Variants in GLG1 observed in about 807,000 individuals in gnomAD.
The protein encoded by GLG1 is Golgi apparatus protein 1.
A neutral mutation model predicts 160.5 loss-of-function variants in GLG1; 38 were observed. That is an observed-to-expected ratio of 0.24 (90% CI 0.18 to 0.31). The LOEUF is 0.31. Among genes scored for constraint, GLG1 ranks in the 10% least tolerant of loss-of-function variants. The pLI is 1.00. For synonymous variants in GLG1, 644 were observed against 543.4 expected, an observed-to-expected ratio of 1.19 and a Z score of -2.57; for missense variants, 1,373 against 1,505.2, an observed-to-expected ratio of 0.91 and a Z score of 1.45.
intron 1 of GLG1, among the ~76,000 whole-genome samples, chr16:74,562,071 AGAAGG>A (rs2018528407): frequency 6.6e-6 from 1 of 152,264 alleles, no homozygotes; most frequent in African/African-American, 2.4e-5. Context: ...TTCTCATGCA[AGAAGG>A]CTGATGCTAT....
chr16:74,597,063 G>T (rs2143892130), intron 1 of GLG1, among the ~76,000 whole-genome samples: 1 of 152,052 alleles, frequency 6.6e-6, no homozygotes, highest in East Asian at 1.9e-4. Context: ...AGGCTGCAGT[G>T]AATCATGATC....
rs755893688 is a variant in GLG1 at position 74,491,190 on chromosome 16, C to G, written c.1260G>C (p.Gln420His). Residue 420 changes from glutamine (Q) to histidine (H), a missense_variant, in exon 8 of 26, where the codon CAG becomes CAC. By Grantham distance (24) the Gln-to-His change is conservative (BLOSUM62 0). This residue lies in a region of GLG1 where 386 missense variants were observed against 388.5 expected (regional missense o/e 0.99). Transcript: ENST00000422840. ...HRGRQVSSECQGEMLDYRRML... is the reference protein window; with the variant it reads ...HRGRQVSSECHGEMLDYRRML... Reference sequence around the variant, plus strand: ...TGCGTCGGTAATCCAGCATCTCCCCCTGGCACTCACTGCTGACTTGTCGCC... The same window carrying G: ...TGCGTCGGTAATCCAGCATCTCCCCGTGGCACTCACTGCTGACTTGTCGCC... 6.2e-7 allele frequency: 1 copy of G among 1,613,920 alleles called. No individual in the cohort carries two copies. The highest frequency in any genetic ancestry group is 1.1e-5 in the South Asian group (1 of 91,064).
chr16:74,491,284 T>C, intron 7 of GLG1, 69 bp from the exon 8 acceptor site: 1 of 1,047,210 alleles, frequency 9.5e-7, no homozygotes, highest in Non-Finnish European at 1.5e-6. Context: ...AATCACCACC[T>C]ATTAAAAGTA....
At chr16:74,569,061 C>T (rs1048541157) in intron 1 of GLG1, among the ~76,000 whole-genome samples, 1 of 152,192 alleles carries the variant, frequency 6.6e-6, no homozygotes, top group Non-Finnish European at 1.5e-5. Flanking sequence ...AGAAACCAAG[C>T]CCAAGGCCTG....
chr16:74,533,547 G>A (rs550311774), intron 1 of GLG1, among the ~76,000 whole-genome samples: 3 of 152,198 alleles, frequency 2.0e-5, no homozygotes, highest in East Asian at 1.9e-4. Context: ...TTGGGAGGCC[G>A]AGGCAGGCAG....
At chr16:74,559,955 C>G (rs2018461401) in intron 1 of GLG1, among the ~76,000 whole-genome samples, 1 of 152,056 alleles carries the variant, frequency 6.6e-6, no homozygotes, top group Admixed American at 6.6e-5. Flanking sequence ...CTCATTTTCC[C>G]CTATTGTTAA....
rs1360208109 is a variant in GLG1, at chr16:74,540,095, A to T, written c.439-7942T>A. On this transcript the variant is annotated intron_variant, in intron 1 of 25. Transcript: ENST00000422840. ...ATTATATATATTTTATATATATATT[A>T]TATATATTTTATATATATATATTAT... is the stretch of plus-strand genomic sequence containing the variant. Among the ~76,000 whole-genome samples, 2 of 1,838 alleles carry T rather than the reference A, an allele frequency of 1.1e-3. 1 individual carries two copies. Among genetic ancestry groups the T allele is most frequent in the African/African-American group, 1.7e-3 (2 of 1,176 alleles). 1.2% of individuals were successfully genotyped at this position (1,838 alleles called of 152,430 possible).
chr16:74,461,699 G>C (rs1337835272), intron 22 of GLG1: 1 of 155,950 alleles, frequency 6.4e-6, no homozygotes, highest in African/African-American at 2.4e-5. Flanking sequence ...TTGAACTCCT[G>C]ACCTCAGATG....
intron 1 of GLG1, among the ~76,000 whole-genome samples, chr16:74,586,589 C>G (rs539150172): frequency 6.6e-6 from 1 of 152,292 alleles, no homozygotes; most frequent in Non-Finnish European, 1.5e-5. Context: ...ATCCTCTCAC[C>G]TCAGCCTCCA....
At chr16:74,476,184 T>TA (rs879723401) in intron 12 of GLG1, among the ~76,000 whole-genome samples, 278 of 138,250 alleles carry the variant, frequency 2.0e-3, no homozygotes, top group Middle Eastern at 7.4e-3. Context: ...TGTCTCAAAA[T>TA]AAAAAAAAAA....
intron 2 of GLG1, among the ~76,000 whole-genome samples, chr16:74,510,317 C>T (rs1197386400): frequency 6.6e-6 from 1 of 152,172 alleles, no homozygotes; most frequent in Non-Finnish European, 1.5e-5. Flanking sequence ...AAGAGTGAGC[C>T]ACTGCACCCA....
chr16:74,525,403 G>T (rs561245038), intron 2 of GLG1, among the ~76,000 whole-genome samples: 2 of 152,232 alleles, frequency 1.3e-5, no homozygotes, highest in East Asian at 3.9e-4. Flanking sequence ...AAGAGACAGG[G>T]TCTCACTATG....
intron 1 of GLG1, among the ~76,000 whole-genome samples, chr16:74,586,158 AAAAAAC>A (rs1359913007): frequency 1.3e-5 from 2 of 152,144 alleles, no homozygotes; most frequent in East Asian, 1.9e-4. Flanking sequence ...CTGATAAGGA[AAAAAAC>A]AAAAACAAAA....
chr16:74,599,220 T>C (rs1393583431), intron 1 of GLG1, among the ~76,000 whole-genome samples: 1 of 151,192 alleles, frequency 6.6e-6, no homozygotes. Flanking sequence ...TGGACTTTAC[T>C]TGGAGAACCA....
In GLG1 at chr16:74,599,216, T is replaced by G. The variant is rs1193437217; in HGVS notation, c.438+7441A>C. ...GATAAAAACATCCCATTTCTGGACT[T>G]TACTTGGAGAACCAGCTAGAGGTGA... On this transcript the variant is annotated intron_variant, in intron 1 of 25. Transcript: ENST00000422840. 2.5e-5 allele frequency among the ~76,000 whole-genome samples: 3 copies of G among 122,408 alleles called. No homozygotes were observed. The East Asian group carries it at 1.2e-3, about 51-fold the overall frequency. The allele number at this position is 122,408 out of a possible 152,430, so 80.3% of individuals were successfully genotyped here. A position where few individuals can be genotyped will look rare whatever the true frequency, so the allele number is the denominator to read the frequency against.
chr16:74,516,576 A>T lies in GLG1; in HGVS notation c.472-7651T>A, dbSNP rs975841926. Among the ~76,000 whole-genome samples the T allele has an allele frequency of 2.7e-4, 41 of 152,244 alleles. 1 individual carries two copies. Among genetic ancestry groups the T allele is most frequent in the Non-Finnish European group, 4.3e-4 (29 of 68,044 alleles). The stretch of plus-strand genomic sequence containing the variant: ...AAGCAGTGTGTAGAGGGAAATTTAC[A>T]GCACTAAATGCCCACAAGAGAAAGC... On this transcript the variant is annotated intron_variant, in intron 2 of 25. Coordinates refer to ENST00000422840, the MANE Select transcript of GLG1 (RefSeq NM_001145667.2).
intron 4 of GLG1, among the ~76,000 whole-genome samples, chr16:74,497,222 G>A (rs1468027302): frequency 1.3e-5 from 2 of 151,514 alleles, no homozygotes; most frequent in Admixed American, 6.6e-5. Context: ...CCAGTAGGCG[G>A]AGGTTGCAGT....
chr16:74,589,196 A>C (rs1046793916), intron 1 of GLG1, among the ~76,000 whole-genome samples: 11 of 152,036 alleles, frequency 7.2e-5, no homozygotes, highest in African/African-American at 2.7e-4. Flanking sequence ...CAGAGGTTGC[A>C]GTGAGCCAAG....
chr16:74,514,221 A>G (rs1395928359), intron 2 of GLG1, among the ~76,000 whole-genome samples: 1 of 152,222 alleles, frequency 6.6e-6, no homozygotes, highest in Non-Finnish European at 1.5e-5. Flanking sequence ...AATCTTCAGG[A>G]TATTATCCAG....
Sources: allele counts gnomAD v4.1 joint callset (sites outside exome capture counted in the v4.1 genomes callset), GRCh38; gene constraint gnomAD v4.1.1; regional missense constraint gnomAD v4.1.1; transcripts MANE v1.5; gene names NCBI Gene and HGNC (gene_info 2026-07-23, HGNC 2026-07-21).